The following BLOC1S3 variants were observed in gnomAD, a reference collection of about 807,000 sequenced individuals.
The protein encoded by BLOC1S3 is biogenesis of lysosomal organelles complex 1 subunit 3.
In BLOC1S3, 7 loss-of-function variants were observed where a neutral mutation model predicts 9.1. The ratio of observed to expected loss-of-function variants is 0.77; its 90% confidence interval spans 0.44 to 1.45. The LOEUF (loss-of-function observed/expected upper bound fraction) is 1.45. Ranked by LOEUF, BLOC1S3 falls within the 40% of genes most tolerant of loss-of-function variation. The pLI, the probability that BLOC1S3 is intolerant of heterozygous loss-of-function variation, is 0.01. For synonymous variants in BLOC1S3, 145 were observed against 158.4 expected (o/e 0.92, Z 0.64); for missense variants, 307 against 315.2 (o/e 0.97, Z 0.20).
chr19:45,200,315 G>T (rs1285398983), intron 2 of BLOC1S3, among the ~76,000 whole-genome samples: 2 of 151,672 alleles, frequency 1.3e-5, no homozygotes, highest in African/African-American at 4.9e-5. Context: ...CCGAGTAGCT[G>T]GGACTACAGG....
intron 3 of BLOC1S3, among the ~76,000 whole-genome samples, chr19:45,204,187 T>C (rs750884650): frequency 0.012 from 928 of 75,798 alleles, 7 homozygotes; most frequent in South Asian, 0.037. Context: ...TTGTTTTGCC[T>C]TTTTTTTTTT....
chr19:45,194,310 A>G (rs1969631503), intron 2 of BLOC1S3, among the ~76,000 whole-genome samples: 1 of 147,334 alleles, frequency 6.8e-6, no homozygotes, highest in South Asian at 2.1e-4. Flanking sequence ...ATGGGGTTTC[A>G]CCATATTGGT....
intron 3 of BLOC1S3, among the ~76,000 whole-genome samples, chr19:45,211,952 G>C (rs171134): frequency 3.3e-5 from 5 of 152,146 alleles, no homozygotes; most frequent in African/African-American, 4.8e-5. Flanking sequence ...CTGGGGGTGA[G>C]AGGCTGGAAA....
At chr19:45,206,450 G>GTTTTTTTTTTTTTGTTT (rs1969726612) in intron 3 of BLOC1S3, among the ~76,000 whole-genome samples, 2 of 55,152 alleles carry the variant, frequency 3.6e-5, no homozygotes, top group South Asian at 6.5e-4. Context: ...GATTAATCAA[G>GTTTTTTTTTTTTTGTTT]TTTTTTTTTT....
intron 2 of BLOC1S3, chr19:45,202,307 C>A (rs145038404): frequency 0.011 from 1,682 of 154,512 alleles, 17 homozygotes; most frequent in Admixed American, 0.019. Flanking sequence ...GTTCATTAAG[C>A]CTCTTTTTCT....
At chr19:45,197,642 A>G (rs1969659062) in intron 2 of BLOC1S3, among the ~76,000 whole-genome samples, 2 of 151,946 alleles carry the variant, frequency 1.3e-5, no homozygotes, top group Admixed American at 1.3e-4. Context: ...CCTGGCCAAC[A>G]TGGTGAAACC....
chr19:45,215,944 AG>A, intron 3 of BLOC1S3: 1 of 1,335,016 alleles, frequency 7.5e-7, no homozygotes, highest in Non-Finnish European at 1.0e-6. Flanking sequence ...TGGTTCCAGC[AG>A]GAAACGGCCG....
At chr19:45,193,627 A>C (rs1969623781) in intron 2 of BLOC1S3, among the ~76,000 whole-genome samples, 1 of 151,530 alleles carries the variant, frequency 6.6e-6, no homozygotes, top group Non-Finnish European at 1.5e-5. Flanking sequence ...TTGGAGTATT[A>C]TAATATGTTA....
intron 2 of BLOC1S3, among the ~76,000 whole-genome samples, chr19:45,196,256 T>C (rs1355644301): frequency 1.3e-5 from 2 of 152,194 alleles, no homozygotes; most frequent in African/African-American, 4.8e-5. Flanking sequence ...CACATGCCTA[T>C]GATCCCAGCT....
chr19:45,179,902 C>A lies in BLOC1S3; in HGVS notation c.606C>A (p.Ala202=), dbSNP rs763757414. 1 of 1,608,030 alleles carries A rather than the reference C, an allele frequency of 6.2e-7. No homozygotes were observed. Among genetic ancestry groups the A allele is most frequent in the Non-Finnish European group, 8.5e-7 (1 of 1,177,640 alleles). Reference sequence around the variant, plus strand: ...CTGAGAAAGACCCGGGGCCGCGGGCCTAGCCATGATTCTACTTCCCAACCT... The same window carrying A: ...CTGAGAAAGACCCGGGGCCGCGGGCATAGCCATGATTCTACTTCCCAACCT... ...TEPEKDPGPR[A] The change falls in exon 2 of 2, where the codon GCC becomes GCA. Residue 202 remains alanine, a synonymous_variant. Coordinates refer to ENST00000433642, the MANE Select transcript of BLOC1S3 (RefSeq NM_212550.5). This position sits in a 1 kb window ranked among gnomAD's most constrained non-coding sequence, Gnocchi z 4.6.
Position 45,180,567 on chromosome 19 carries a change from G to T in BLOC1S3, c.*662G>T. On this transcript the variant is annotated 3_prime_UTR_variant, in exon 2 of 2. Coordinates refer to ENST00000433642, the MANE Select transcript of BLOC1S3 (RefSeq NM_212550.5). ...GCCACCACACACTGGGCTCTGCTCT[G>T]CCTTTCTGAGTTTGGTTTCTGCTTA... 6.0e-6 allele frequency: 1 copy of T among 166,660 alleles called. No homozygotes were observed. 10.3% of individuals were successfully genotyped at this position (166,660 alleles called of 1,614,324 possible).
intron 2 of BLOC1S3, among the ~76,000 whole-genome samples, chr19:45,194,127 T>A (rs1306472816): frequency 1.4e-5 from 1 of 70,664 alleles, no homozygotes; most frequent in African/African-American, 5.9e-5. Context: ...TTTTTTTTTT[T>A]AATGAGATGG....
intron 3 of BLOC1S3, among the ~76,000 whole-genome samples, chr19:45,210,251 TTA>T (rs1179405672): frequency 2.0e-5 from 3 of 151,946 alleles, no homozygotes; most frequent in African/African-American, 7.2e-5. Context: ...TAAAATTTTT[TTA>T]TTGTGCTGAA....
chr19:45,215,894 C>T (rs1326373981), intron 3 of BLOC1S3, among the ~76,000 whole-genome samples: 2 of 152,126 alleles, frequency 1.3e-5, no homozygotes, highest in Non-Finnish European at 2.9e-5. Context: ...GAGGCAGCAG[C>T]GGCGGCAGGA....
downstream of BLOC1S3, among the ~76,000 whole-genome samples, chr19:45,182,898 C>T (rs555089833): frequency 6.6e-6 from 1 of 152,008 alleles, no homozygotes; most frequent in Non-Finnish European, 1.5e-5. Flanking sequence ...GAAGGTGGAG[C>T]GGGATCCACC....
In BLOC1S3 at chr19:45,180,193, C is replaced by A; in HGVS notation, c.*288C>A. The A allele has an allele frequency of 1.5e-5, 5 of 330,714 alleles. No individual in the cohort carries two copies. Among genetic ancestry groups the A allele is most frequent in the Non-Finnish European group, 2.3e-5 (4 of 174,032 alleles). The allele number at this position is 330,714 out of a possible 1,614,324, so 20.5% of individuals were successfully genotyped here. On this transcript the variant is annotated 3_prime_UTR_variant, in exon 2 of 2. Coordinates refer to ENST00000433642, the MANE Select transcript of BLOC1S3 (RefSeq NM_212550.5). ...TGGGGCTTGGCTCCAGCCTTTGTTA[C>A]ATAGTTGCTCCTTAATCTGTTTCCA... is the stretch of plus-strand genomic sequence containing the variant.
chr19:45,197,499 CA>C (rs35735109), intron 2 of BLOC1S3, among the ~76,000 whole-genome samples: 1 of 146,876 alleles, frequency 6.8e-6, no homozygotes, highest in Admixed American at 6.8e-5. Context: ...CAACAACCAC[CA>C]AAAAAAAAGA....
intron 3 of BLOC1S3, among the ~76,000 whole-genome samples, chr19:45,214,716 C>T (rs1969815195): frequency 1.3e-5 from 2 of 151,888 alleles, no homozygotes; most frequent in African/African-American, 4.8e-5. Context: ...CCACCTACCT[C>T]GGCCTCCCAA....
In BLOC1S3 at chr19:45,179,649, C is replaced by A; in HGVS notation, c.353C>A (p.Ala118Glu). ...CAACTTCGGCTGGCGGAGAGCCAGG[C>A]GCGGCTGGACCACGACGTGGCGGCC... ...LLQLRLAESQ[A>E]RLDHDVAAAV... The change falls in exon 2 of 2, where the codon GCG (alanine) becomes GAG (glutamate). Residue 118 changes from alanine (A) to glutamate (E), a missense_variant. Ala to Glu is a moderately radical substitution (Grantham distance 107). Transcript: ENST00000433642. The surrounding 1 kb of genome is among the most constrained non-coding windows in gnomAD (Gnocchi z 4.6). The A allele has an allele frequency of 1.4e-6, 2 of 1,469,038 alleles. No individual in the cohort carries two copies. Among genetic ancestry groups the A allele is most frequent in the South Asian group, 1.3e-5 (1 of 76,994 alleles). 91.0% of individuals were successfully genotyped at this position (1,469,038 alleles called of 1,614,324 possible).
Sources: gnomAD v4.1 joint callset for allele counts (sites outside exome capture counted in the v4.1 genomes callset) on GRCh38, gnomAD v4.1.1 for gene constraint, Gnocchi (gnomAD v3.1) non-coding constraint, MANE v1.5 for transcripts, NCBI Gene and HGNC (gene_info 2026-07-23, HGNC 2026-07-21) for gene names.